The following NT5C2 variants were observed in gnomAD, a reference collection of about 807,000 sequenced individuals.
NT5C2 encodes 5'-nucleotidase, cytosolic II.
A neutral mutation model predicts 76.1 loss-of-function variants in NT5C2; 58 were observed. The observed-to-expected ratio is 0.76, with a 90% CI of 0.62 to 0.95. The LOEUF (loss-of-function observed/expected upper bound fraction) is 0.95. Among genes scored for constraint, NT5C2 ranks in the 40% least tolerant of loss-of-function variants. The pLI, the probability that NT5C2 is intolerant of heterozygous loss-of-function variation, is 0.00. For missense variants in NT5C2, 478 were observed against 690.3 expected, an observed-to-expected ratio of 0.69 and a Z score of 3.45; for synonymous variants, 229 against 237.4, an observed-to-expected ratio of 0.96 and a Z score of 0.32.
intron 4 of NT5C2, among the ~76,000 whole-genome samples, chr10:103,124,748 A>G (rs901544884): frequency 6.6e-6 from 1 of 151,986 alleles, no homozygotes; most frequent in Non-Finnish European, 1.5e-5. Flanking sequence ...CTGGGATCCA[A>G]CCCAGGTCTA....
At chr10:103,178,244 A>G (rs2090381303) in intron 2 of NT5C2, among the ~76,000 whole-genome samples, 1 of 152,202 alleles carries the variant, frequency 6.6e-6, no homozygotes, top group Non-Finnish European at 1.5e-5. Context: ...CGTAATATCT[A>G]AAACTATAAA....
At chr10:103,093,868 T>C in intron 14 of NT5C2, 104 bp downstream of exon 14, 1 of 840,918 alleles carries the variant, frequency 1.2e-6, no homozygotes, top group Non-Finnish European at 2.0e-6. Context: ...AGATGACATC[T>C]TAGACTACTA....
intron 4 of NT5C2, among the ~76,000 whole-genome samples, chr10:103,121,706 T>C (rs1255052896): frequency 6.6e-6 from 1 of 152,144 alleles, no homozygotes; most frequent in Non-Finnish European, 1.5e-5. Context: ...TCATCACCTC[T>C]CCCACACTTG....
intron 4 of NT5C2, among the ~76,000 whole-genome samples, chr10:103,126,553 C>T (rs1030111492): frequency 2.0e-5 from 3 of 152,244 alleles, no homozygotes; most frequent in South Asian, 4.1e-4. Context: ...ACCTGGAAGG[C>T]GGAGGTTGCA....
Position 103,093,264 on chromosome 10 carries a change from T to A in NT5C2, c.1034A>T (p.Asp345Val). Reference sequence around the variant, plus strand: ...AATGTGATCTCCAATATACAAAATGTCTTTTCCCTTGGCTCCCAACAGGTC... The same window carrying A: ...AATGTGATCTCCAATATACAAAATGACTTTTCCCTTGGCTCCCAACAGGTC... Reference protein sequence around the residue: ...ICDLLGAKGKDILYIGDHIFG... With the variant: ...ICDLLGAKGKVILYIGDHIFG... Residue 345 changes from aspartate to valine, a missense_variant, in exon 15 of 19, where the codon GAC (aspartate) becomes GTC (valine). Transcript: ENST00000404739. The A allele has an allele frequency of 1.2e-6, 2 of 1,609,586 alleles. No individual in the cohort carries two copies. Among genetic ancestry groups the A allele is most frequent in the Non-Finnish European group, 1.7e-6 (2 of 1,178,078 alleles).
At chr10:103,165,528 A>G (rs2086151958) in intron 3 of NT5C2, among the ~76,000 whole-genome samples, 1 of 150,296 alleles carries the variant, frequency 6.7e-6, no homozygotes, top group Non-Finnish European at 1.5e-5. Context: ...CTCCTGCCTC[A>G]GCCTCCCTAG....
chr10:103,093,820 T>C (rs2274340), intron 14 of NT5C2, 152 bp downstream of exon 14: 13,819 of 600,410 alleles, frequency 0.023, 319 homozygotes, highest in East Asian at 0.079. Context: ...CCCAGACTCC[T>C]ATTGCATTAA....
chr10:103,102,285 T>C (rs1468605510), intron 6 of NT5C2, among the ~76,000 whole-genome samples: 4 of 152,166 alleles, frequency 2.6e-5, no homozygotes, highest in Non-Finnish European at 5.9e-5. Flanking sequence ...TTAATCTCTC[T>C]TGCAGCACTT....
At chr10:103,103,685 T>C (rs1031727851) in intron 6 of NT5C2, among the ~76,000 whole-genome samples, 1 of 152,160 alleles carries the variant, frequency 6.6e-6, no homozygotes, top group Non-Finnish European at 1.5e-5. Context: ...TACTACTAAC[T>C]TTCTGTGACC....
chr10:103,129,764 C>G (rs1334274865), intron 4 of NT5C2, among the ~76,000 whole-genome samples: 1 of 101,568 alleles, frequency 9.8e-6, no homozygotes, highest in Admixed American at 9.5e-5. Flanking sequence ...GGGGTGTCAG[C>G]CCCCCGCCCG....
chr10:103,097,243 G>T, intron 11 of NT5C2, 48 bp downstream of exon 11: 2 of 1,360,790 alleles, frequency 1.5e-6, no homozygotes, highest in Non-Finnish European at 1.0e-6. Context: ...AGTTCTTTAG[G>T]CCAAAATAAT....
intron 3 of NT5C2, among the ~76,000 whole-genome samples, chr10:103,157,210 A>G (rs931631397): frequency 6.6e-6 from 1 of 151,868 alleles, no homozygotes; most frequent in Non-Finnish European, 1.5e-5. Flanking sequence ...ACTGTATACA[A>G]ATACCCTAAC....
chr10:103,165,905 G>A (rs1591660495), intron 3 of NT5C2, among the ~76,000 whole-genome samples: 1 of 151,896 alleles, frequency 6.6e-6, no homozygotes, highest in Non-Finnish European at 1.5e-5. Context: ...CCCAACCTCA[G>A]GTGATCCGCC....
intron 3 of NT5C2, among the ~76,000 whole-genome samples, chr10:103,162,235 CG>C (rs1385739172): frequency 1.3e-5 from 2 of 151,878 alleles, no homozygotes; most frequent in Admixed American, 1.3e-4. Flanking sequence ...AGGATGGTCT[CG>C]ATCTCTTGAC....
chr10:103,090,283 T>C (rs1239997459), intron 18 of NT5C2: 1 of 350,248 alleles, frequency 2.9e-6, no homozygotes, highest in Non-Finnish European at 5.2e-6. Context: ...AGTGGAGCAA[T>C]CACAGCCCAC....
intron 3 of NT5C2, among the ~76,000 whole-genome samples, chr10:103,174,263 T>G (rs2089209673): frequency 6.6e-6 from 1 of 151,880 alleles, no homozygotes; most frequent in Non-Finnish European, 1.5e-5. Context: ...AAAAATTAGT[T>G]TGGCATGGGG....
chr10:103,138,580 C>T (rs11191575), intron 4 of NT5C2, among the ~76,000 whole-genome samples: 14,366 of 152,190 alleles, frequency 0.094, 893 homozygotes, highest in East Asian at 0.28. Flanking sequence ...TGGCTTCTAG[C>T]TTCATTCATG....
chr10:103,177,917 T>G (rs1400977775), intron 2 of NT5C2, among the ~76,000 whole-genome samples: 1 of 152,150 alleles, frequency 6.6e-6, no homozygotes, highest in Non-Finnish European at 1.5e-5. Flanking sequence ...CCTCATCCAT[T>G]AAGCAGTTTC....
At chr10:103,097,926 G>A (rs773891828) in intron 10 of NT5C2, 26 of 462,578 alleles carry the variant, frequency 5.6e-5, no homozygotes, top group African/African-American at 2.3e-4. Flanking sequence ...TTTCCTTCTC[G>A]CATAGCAAAT....
Sources: allele counts gnomAD v4.1 joint callset (sites outside exome capture counted in the v4.1 genomes callset), GRCh38; gene constraint gnomAD v4.1.1; transcripts MANE v1.5; gene names NCBI Gene and HGNC (gene_info 2026-07-23, HGNC 2026-07-21).